FRMPD4: variants seen among roughly 807,000 people sequenced by gnomAD.
FRMPD4 encodes the protein FERM and PDZ domain-containing protein 4.
FRMPD4 carries 22 observed loss-of-function variants against 94.1 expected under a neutral mutation model. The ratio of observed to expected loss-of-function variants is 0.23; its 90% confidence interval spans 0.17 to 0.33. The LOEUF is 0.33. FRMPD4 is among the 10% of genes least tolerant of loss of function. FRMPD4 has a pLI of 1.00. For synonymous variants in FRMPD4, 631 were observed against 548.6 expected, an observed-to-expected ratio of 1.15 and a Z score of -2.10; for missense variants, 1,111 against 1,339.9, an observed-to-expected ratio of 0.83 and a Z score of 2.67.
rs746601138 is a variant in FRMPD4, at chrX:12,706,923, C to CT, written c.1287+26dup. 0.12 allele frequency: 67,283 copies of CT among 570,930 alleles called. 2,049 individuals are homozygous for CT. Among genetic ancestry groups the CT allele is most frequent in the African/African-American group, 0.18 (6,189 of 34,550 alleles). 47.1% of individuals were successfully genotyped at this position (570,930 alleles called of 1,213,427 possible). A position where few individuals can be genotyped will look rare whatever the true frequency, so the allele number is the denominator to read the frequency against. On this transcript the variant is annotated intron_variant, in intron 12 of 16. Transcript: ENST00000675598. ...TTCAAGGCAACATTAGTGGTAATTT[C>CT]TTTTTTTTTTTTTTTTTTGCTTTCT...
intron 3 of FRMPD4, among the ~76,000 whole-genome samples, chrX:12,036,452 C>T (rs1042247289): frequency 3.6e-5 from 4 of 110,918 alleles, no homozygotes; most frequent in Non-Finnish European, 5.7e-5. Flanking sequence ...AAAAATTGAA[C>T]AAGAAAAAAA....
intron 4 of FRMPD4, among the ~76,000 whole-genome samples, chrX:12,670,178 C>T (rs944739974): frequency 8.9e-6 from 1 of 112,158 alleles, no homozygotes; most frequent in Non-Finnish European, 1.9e-5. Context: ...ACCCAACCTA[C>T]CACCTTACAG....
At chrX:12,184,559 A>T (rs981814029) in intron 1 of FRMPD4, among the ~76,000 whole-genome samples, 4 of 112,164 alleles carry the variant, frequency 3.6e-5, no homozygotes, top group Non-Finnish European at 5.6e-5. Context: ...AGTATTACAC[A>T]TTTACTCCAG....
intron 1 of FRMPD4, among the ~76,000 whole-genome samples, chrX:12,370,714 C>T (rs1055692754): frequency 2.7e-5 from 3 of 112,594 alleles, no homozygotes; most frequent in Admixed American, 1.9e-4. Context: ...GAACCCTGGC[C>T]TGTAGTTGTA....
At chrX:12,042,978 A>G (rs1026365712) in intron 3 of FRMPD4, among the ~76,000 whole-genome samples, 1 of 111,919 alleles carries the variant, frequency 8.9e-6, no homozygotes, top group Non-Finnish European at 1.9e-5. Context: ...TACCATTCTC[A>G]TCTACTGAAC....
intron 1 of FRMPD4, among the ~76,000 whole-genome samples, chrX:12,422,088 GT>G (rs1171555728): frequency 8.9e-6 from 1 of 112,186 alleles, no homozygotes; most frequent in Non-Finnish European, 1.9e-5. Flanking sequence ...ATCATTTAAT[GT>G]GTTTAATCAT....
intron 1 of FRMPD4, among the ~76,000 whole-genome samples, chrX:12,412,905 T>C (rs1482970907): frequency 2.7e-5 from 3 of 111,785 alleles, no homozygotes; most frequent in East Asian, 5.6e-4. Context: ...TAGCAGGACA[T>C]AGACATAAAT....
Position 12,724,310 on chromosome X carries a change from T to C in FRMPD4, c.*2452T>C, listed in dbSNP as rs2042293068. 8.9e-6 allele frequency: 1 copy of C among 111,736 alleles called. No homozygotes were observed. The highest frequency in any genetic ancestry group is 3.8e-4 in the South Asian group (1 of 2,631). The allele number at this position is 111,736 out of a possible 1,213,427, so 9.2% of individuals were successfully genotyped here. The stretch of plus-strand genomic sequence containing the variant: ...TGTTTCTTATAAATAAACTCTTTGC[T>C]ATTCAGAAAACCTCAAGGGGCCCCC... On this transcript the variant is annotated 3_prime_UTR_variant, in exon 17 of 17. Coordinates refer to ENST00000675598, the MANE Select transcript of FRMPD4 (RefSeq NM_001368397.1).
At chrX:11,851,482 A>C (rs2053621761) in intron 1 of FRMPD4, among the ~76,000 whole-genome samples, 1 of 111,357 alleles carries the variant, frequency 9.0e-6, no homozygotes, top group African/African-American at 3.3e-5. Flanking sequence ...GGGGAACCCA[A>C]CTAAGGTTCC....
chrX:11,840,446 T>C (rs1241951581), intron 1 of FRMPD4, among the ~76,000 whole-genome samples: 1 of 111,188 alleles, frequency 9.0e-6, no homozygotes, highest in Non-Finnish European at 1.9e-5. Flanking sequence ...TTAGTTGTAG[T>C]AGGTTTTGTG....
intron 4 of FRMPD4, among the ~76,000 whole-genome samples, chrX:12,637,984 G>A (rs1359442736): frequency 9.0e-6 from 1 of 111,559 alleles, no homozygotes; most frequent in African/African-American, 3.3e-5. Context: ...TACACGCTTT[G>A]TTCTCTCCAT....
chrX:11,988,324 A>AC (rs60640410), intron 3 of FRMPD4, among the ~76,000 whole-genome samples: 16,308 of 111,365 alleles, frequency 0.15, 1,256 homozygotes, highest in African/African-American at 0.28. Context: ...GGTGCCAAGA[A>AC]ATACATTAGG....
At chrX:12,311,660 A>G (rs1002701543) in intron 1 of FRMPD4, among the ~76,000 whole-genome samples, 1 of 110,962 alleles carries the variant, frequency 9.0e-6, no homozygotes, top group Non-Finnish European at 1.9e-5. Flanking sequence ...TATTCTTAAA[A>G]GGTATTTTTG....
chrX:12,235,218 G>A (rs767567126), intron 1 of FRMPD4, among the ~76,000 whole-genome samples: 8 of 112,037 alleles, frequency 7.1e-5, no homozygotes, highest in East Asian at 2.8e-4. Context: ...AAAGCTGCGC[G>A]TCCCTTCTGG....
intron 1 of FRMPD4, among the ~76,000 whole-genome samples, chrX:11,847,608 A>G (rs1453112675): frequency 9.2e-6 from 1 of 108,804 alleles, no homozygotes; most frequent in Non-Finnish European, 1.9e-5. Context: ...CAGTATTCAC[A>G]ATAGCAAAGA....
intron 1 of FRMPD4, among the ~76,000 whole-genome samples, chrX:12,276,424 C>A (rs965732765): frequency 4.5e-5 from 5 of 111,796 alleles, no homozygotes. Context: ...AAAGGCAGGG[C>A]AATCGGAAGT....
chrX:12,548,303 T>C (rs1207635103), intron 2 of FRMPD4, among the ~76,000 whole-genome samples: 1 of 112,311 alleles, frequency 8.9e-6, no homozygotes, highest in Non-Finnish European at 1.9e-5. Flanking sequence ...GATTTTAAAA[T>C]CCTTAAATTG....
chrX:12,056,220 C>T (rs1327712612), intron 3 of FRMPD4, among the ~76,000 whole-genome samples: 5 of 111,798 alleles, frequency 4.5e-5, no homozygotes, highest in Non-Finnish European at 9.4e-5. Flanking sequence ...GGAGAAAAGG[C>T]ATACAAATTT....
chrX:12,170,178 CCA>C (rs2056196138), intron 1 of FRMPD4, among the ~76,000 whole-genome samples: 1 of 94,427 alleles, frequency 1.1e-5, no homozygotes, highest in Admixed American at 1.1e-4. Context: ...CAGAAATTTT[CCA>C]CAGAGTTTTT....
Sources: gnomAD v4.1 joint callset for allele counts (sites outside exome capture counted in the v4.1 genomes callset) on GRCh38, gnomAD v4.1.1 for gene constraint, MANE v1.5 for transcripts, NCBI Gene and HGNC (gene_info 2026-07-23, HGNC 2026-07-21) for gene names.